The following GPC5 variants were observed in gnomAD, a reference collection of about 807,000 sequenced individuals.
GPC5 encodes the protein glypican 5, also known as glypican-5.
A neutral mutation model predicts 53.9 loss-of-function variants in GPC5; 47 were observed. The ratio of observed to expected loss-of-function variants is 0.87; its 90% CI spans 0.69 to 1.11. The LOEUF (loss-of-function observed/expected upper bound fraction) is 1.11. Ranked by LOEUF, GPC5 falls within the 50% of genes most tolerant of loss-of-function variation. GPC5 has a pLI of 0.00. For missense variants in GPC5, 748 were observed against 713.1 expected (o/e 1.05, Z -0.56); for synonymous variants, 286 against 263.3 (o/e 1.09, Z -0.84).
intron 7 of GPC5, among the ~76,000 whole-genome samples, chr13:92,464,213 C>T (rs895690668): frequency 6.6e-6 from 1 of 152,108 alleles, no homozygotes; most frequent in Non-Finnish European, 1.5e-5. Flanking sequence ...ACATATCTTC[C>T]TTCAAATCCA....
intron 7 of GPC5, among the ~76,000 whole-genome samples, chr13:92,382,775 C>A (rs1251244834): frequency 6.6e-6 from 1 of 151,928 alleles, no homozygotes; most frequent in Non-Finnish European, 1.5e-5. Context: ...CTTTGGGAGG[C>A]CGAGGCAGGC....
intron 2 of GPC5, among the ~76,000 whole-genome samples, chr13:91,639,312 C>T (rs974973978): frequency 6.6e-6 from 1 of 152,142 alleles, no homozygotes; most frequent in African/African-American, 2.4e-5. Flanking sequence ...GACATTCTTA[C>T]TATAGGCAAA....
intron 5 of GPC5, among the ~76,000 whole-genome samples, chr13:91,873,042 T>C (rs1184917756): frequency 6.6e-6 from 1 of 152,252 alleles, no homozygotes; most frequent in African/African-American, 2.4e-5. Context: ...AGATGCAGTA[T>C]TTTTCTATCA....
chr13:92,155,382 T>C (rs181949318), intron 7 of GPC5, among the ~76,000 whole-genome samples: 2 of 152,290 alleles, frequency 1.3e-5, no homozygotes, highest in African/African-American at 4.8e-5. Flanking sequence ...ATTTGTTTTC[T>C]GTTTCTTTAA....
intron 7 of GPC5, among the ~76,000 whole-genome samples, chr13:92,526,760 A>G (rs1881297595): frequency 6.6e-6 from 1 of 151,904 alleles, no homozygotes; most frequent in African/African-American, 2.4e-5. Context: ...TAAAGTAAGT[A>G]TAGACAAGTG....
chr13:92,778,266 C>A, intron 7 of GPC5, among the ~76,000 whole-genome samples: 1 of 142,872 alleles, frequency 7.0e-6, no homozygotes, highest in East Asian at 3.8e-4. Context: ...CAGTTGTTGA[C>A]TATTTTAGGT....
At chr13:92,712,961 T>A (rs1441813959) in intron 7 of GPC5, among the ~76,000 whole-genome samples, 2 of 151,922 alleles carry the variant, frequency 1.3e-5, no homozygotes, top group Non-Finnish European at 2.9e-5. Flanking sequence ...AATACCTTGA[T>A]TTTAGATTTC....
At chr13:91,551,613 T>C (rs1482290139) in intron 2 of GPC5, among the ~76,000 whole-genome samples, 1 of 152,122 alleles carries the variant, frequency 6.6e-6, no homozygotes, top group African/African-American at 2.4e-5. Context: ...TAAAAATGTA[T>C]TGTACAATGG....
chr13:91,725,578 C>A (rs896762800), intron 3 of GPC5, among the ~76,000 whole-genome samples: 2 of 152,076 alleles, frequency 1.3e-5, no homozygotes, highest in African/African-American at 4.8e-5. Flanking sequence ...GCTATATATG[C>A]TTTTATCTTT....
At chr13:92,786,946 C>T (rs561609422) in intron 7 of GPC5, among the ~76,000 whole-genome samples, 13 of 152,270 alleles carry the variant, frequency 8.5e-5, no homozygotes, top group Admixed American at 1.3e-4. Context: ...AAAACAGCTG[C>T]GCTGCTGACT....
At chr13:92,770,018 C>T (rs1426958916) in intron 7 of GPC5, among the ~76,000 whole-genome samples, 1 of 152,162 alleles carries the variant, frequency 6.6e-6, no homozygotes, top group Non-Finnish European at 1.5e-5. Context: ...TTAATGAATA[C>T]CTTTCATTGC....
At chr13:91,543,563 T>C (rs934773490) in intron 2 of GPC5, among the ~76,000 whole-genome samples, 2 of 152,038 alleles carry the variant, frequency 1.3e-5, no homozygotes, top group Admixed American at 1.3e-4. Flanking sequence ...AGGTTTATTT[T>C]TATGTTATAG....
intron 7 of GPC5, among the ~76,000 whole-genome samples, chr13:92,595,734 C>G (rs1019235562): frequency 6.3e-5 from 9 of 142,136 alleles, no homozygotes; most frequent in Non-Finnish European, 1.2e-4. Flanking sequence ...CGCCACTGCA[C>G]TCCAGCCTGG....
At chr13:92,740,137 G>A (rs1323777896) in intron 7 of GPC5, among the ~76,000 whole-genome samples, 1 of 151,728 alleles carries the variant, frequency 6.6e-6, no homozygotes, top group African/African-American at 2.4e-5. Context: ...CCCTTCTCGG[G>A]GCATTTGCAG....
intron 7 of GPC5, among the ~76,000 whole-genome samples, chr13:92,356,487 G>A (rs1329282024): frequency 6.6e-6 from 1 of 152,194 alleles, no homozygotes; most frequent in African/African-American, 2.4e-5. Flanking sequence ...AAATAATAGT[G>A]TCTTAGACCA....
chr13:92,031,890 A>G (rs1347329545), intron 6 of GPC5, among the ~76,000 whole-genome samples: 1 of 102,164 alleles, frequency 9.8e-6, no homozygotes, highest in East Asian at 2.7e-4. Flanking sequence ...TATTTTATAT[A>G]TTATATTTTA....
intron 7 of GPC5, among the ~76,000 whole-genome samples, chr13:92,832,644 C>A (rs1258786264): frequency 1.3e-5 from 2 of 152,100 alleles, no homozygotes; most frequent in African/African-American, 2.4e-5. Context: ...CCCCTTGACT[C>A]CCTTACCTCC....
intron 7 of GPC5, among the ~76,000 whole-genome samples, chr13:92,319,192 T>C (rs183022662): frequency 6.6e-6 from 1 of 152,308 alleles, no homozygotes. Context: ...ATATCTGTTG[T>C]ATTTCTAACA....
At chr13:92,445,077 T>C (rs569205847) in intron 7 of GPC5, among the ~76,000 whole-genome samples, 10 of 152,242 alleles carry the variant, frequency 6.6e-5, no homozygotes, top group African/African-American at 2.4e-4. Context: ...CTACCAACTA[T>C]AGGCTGTATC....
Sources: allele counts gnomAD v4.1 joint callset (sites outside exome capture counted in the v4.1 genomes callset), GRCh38; gene constraint gnomAD v4.1.1; transcripts MANE v1.5; gene names NCBI Gene and HGNC (gene_info 2026-07-23, HGNC 2026-07-21).